Variants in ESRRG observed in about 807,000 individuals in gnomAD.
The protein encoded by ESRRG is estrogen related receptor gamma.
ESRRG carries 13 observed loss-of-function variants against 44.0 expected under a neutral mutation model. The observed-to-expected ratio is 0.30, with a 90% CI of 0.19 to 0.47. ESRRG has a LOEUF of 0.47. ESRRG is among the 20% of genes least tolerant of loss of function. The pLI, the probability that ESRRG is intolerant of heterozygous loss-of-function variation, is 1.00. For missense variants in ESRRG, 395 were observed against 580.6 expected, an observed-to-expected ratio of 0.68 and a Z score of 3.29; for synonymous variants, 215 against 214.6, an observed-to-expected ratio of 1.00 and a Z score of -0.02.
chr1:216,985,374 C>T (rs767281052), intron 1 of ESRRG, among the ~76,000 whole-genome samples: 4 of 152,152 alleles, frequency 2.6e-5, no homozygotes, highest in African/African-American at 9.7e-5. Context: ...ATGCTGGAAG[C>T]TTTACCCTCC....
chr1:216,720,401 G>A (rs1017787979), intron 1 of ESRRG, among the ~76,000 whole-genome samples: 5 of 151,970 alleles, frequency 3.3e-5, no homozygotes, highest in African/African-American at 1.2e-4. Context: ...AACAAAACAT[G>A]AAGAAAAGTC....
intron 3 of ESRRG, among the ~76,000 whole-genome samples, chr1:216,644,427 C>CTTTTTTTT (rs71161439): frequency 3.1e-5 from 4 of 128,496 alleles, no homozygotes; most frequent in East Asian, 2.2e-4. Flanking sequence ...TTCTTTCTTT[C>CTTTTTTTT]TTTTTTTTTT....
intron 2 of ESRRG, among the ~76,000 whole-genome samples, chr1:216,660,420 C>A (rs900735821): frequency 3.3e-5 from 5 of 152,136 alleles, no homozygotes; most frequent in Non-Finnish European, 4.4e-5. Context: ...AGATTTAAGG[C>A]AGAGAGAGAA....
intron 2 of ESRRG, among the ~76,000 whole-genome samples, chr1:216,848,251 G>A (rs574548259): frequency 3.9e-5 from 6 of 152,122 alleles, no homozygotes; most frequent in Admixed American, 2.0e-4. Flanking sequence ...TGCTTCTGGG[G>A]TGGGAATGAA....
intron 3 of ESRRG, among the ~76,000 whole-genome samples, chr1:216,593,002 C>T (rs11117631): frequency 0.14 from 21,873 of 152,220 alleles, 2,146 homozygotes; most frequent in Non-Finnish European, 0.21. Context: ...TTGTGAATTA[C>T]AGTGAGTACT....
Position 216,529,749 on chromosome 1 carries a change from T to C in ESRRG, c.863-10328A>G, listed in dbSNP as rs181409041. On this transcript the variant is annotated intron_variant, in intron 5 of 6. Coordinates refer to ENST00000408911, the MANE Select transcript of ESRRG (RefSeq NM_001438.4). ...TTTTCCCACACGTGAAGTTTAATAA[T>C]AATATTTTTAAAGGTGAAATGAACT... Among the ~76,000 whole-genome samples the C allele has an allele frequency of 3.3e-5, 5 of 152,286 alleles. No individual in the cohort carries two copies. The East Asian group carries it at 7.7e-4, about 24-fold the overall frequency.
chr1:216,681,790 T>C (rs934350919), intron 1 of ESRRG: 1 of 38,212 alleles, frequency 2.6e-5, no homozygotes, highest in Non-Finnish European at 5.2e-5. Context: ...AAAGAAAGAA[T>C]AAGAATTAAA....
chr1:216,665,742 C>T (rs980239674), intron 2 of ESRRG, among the ~76,000 whole-genome samples: 1 of 152,110 alleles, frequency 6.6e-6, no homozygotes, highest in Non-Finnish European at 1.5e-5. Context: ...TAAATACAAA[C>T]AGATTAGCTT....
chr1:217,086,026 C>T (rs544201061), intron 1 of ESRRG, among the ~76,000 whole-genome samples: 7 of 152,170 alleles, frequency 4.6e-5, no homozygotes, highest in South Asian at 4.1e-4. Flanking sequence ...CAAGAAGTCC[C>T]GGTACATTAT....
At chr1:217,025,627 A>G (rs2081063351) in intron 1 of ESRRG, among the ~76,000 whole-genome samples, 2 of 152,342 alleles carry the variant, frequency 1.3e-5, no homozygotes, top group South Asian at 4.1e-4. Flanking sequence ...GAAAAAAAGC[A>G]TAATCTCTGT....
chr1:216,850,892 A>T (rs1355552060), intron 2 of ESRRG, among the ~76,000 whole-genome samples: 1 of 151,894 alleles, frequency 6.6e-6, no homozygotes, highest in Non-Finnish European at 1.5e-5. Context: ...TGCTTAGATA[A>T]TATCACAATA....
chr1:216,969,195 T>C (rs907946026), intron 1 of ESRRG, among the ~76,000 whole-genome samples: 2 of 152,174 alleles, frequency 1.3e-5, no homozygotes, highest in African/African-American at 2.4e-5. Context: ...GATATGGCAG[T>C]GGCCTAACAT....
chr1:216,802,489 T>C (rs146698913), intron 2 of ESRRG, among the ~76,000 whole-genome samples: 45 of 152,288 alleles, frequency 3.0e-4, no homozygotes, highest in African/African-American at 9.6e-4. Context: ...CAAATAACTA[T>C]ATTCAGGACC....
intron 2 of ESRRG, among the ~76,000 whole-genome samples, chr1:216,896,226 T>C (rs933615023): frequency 6.6e-6 from 1 of 152,214 alleles, no homozygotes; most frequent in African/African-American, 2.4e-5. Flanking sequence ...GAACTACTCA[T>C]GTTACTGGAA....
chr1:216,516,804 C>T lies in ESRRG; in HGVS notation c.1132+2348G>A, dbSNP rs1430802256. Reference sequence around the variant, plus strand: ...ATCTAAGCAAGTTTGAGTCTACATTCAATCTTGGATCTATAACTTTATTGC... The same window carrying T: ...ATCTAAGCAAGTTTGAGTCTACATTTAATCTTGGATCTATAACTTTATTGC... On this transcript the variant is annotated intron_variant, in intron 6 of 6. Transcript: ENST00000408911. 5.3e-4 allele frequency among the ~76,000 whole-genome samples: 80 copies of T among 152,094 alleles called. 1 individual carries two copies. Among genetic ancestry groups the T allele is most frequent in the Non-Finnish European group, 1.5e-5 (1 of 67,966 alleles).
intron 1 of ESRRG, among the ~76,000 whole-genome samples, chr1:217,036,813 A>C (rs1186674980): frequency 6.9e-6 from 1 of 145,672 alleles, no homozygotes; most frequent in African/African-American, 2.5e-5. Context: ...CCTGAACTTA[A>C]AAGTAAAAAA....
intron 1 of ESRRG, among the ~76,000 whole-genome samples, chr1:217,028,118 C>A (rs2081498532): frequency 6.6e-6 from 1 of 152,152 alleles, no homozygotes; most frequent in Admixed American, 6.5e-5. Flanking sequence ...CGCCCCCACC[C>A]CATCACCTCC....
chr1:216,539,656 T>C (rs1023318703), intron 5 of ESRRG, among the ~76,000 whole-genome samples: 28 of 152,116 alleles, frequency 1.8e-4, no homozygotes, highest in African/African-American at 6.8e-4. Flanking sequence ...ATTTGTTCAC[T>C]GCTGGATCGC....
intron 3 of ESRRG, among the ~76,000 whole-genome samples, chr1:216,600,850 G>A (rs1313780845): frequency 6.6e-6 from 1 of 152,134 alleles, no homozygotes; most frequent in Non-Finnish European, 1.5e-5. Context: ...CCTCACAGCG[G>A]GTCACAGGAC....
Sources: gnomAD v4.1 joint callset for allele counts (sites outside exome capture counted in the v4.1 genomes callset) on GRCh38, gnomAD v4.1.1 for gene constraint, MANE v1.5 for transcripts, NCBI Gene and HGNC (gene_info 2026-07-23, HGNC 2026-07-21) for gene names.